ASB12: variants seen among roughly 807,000 people sequenced by gnomAD.
ASB12 encodes the protein ankyrin repeat and SOCS box containing 12, also known as ankyrin repeat and SOCS box protein 12.
In ASB12, 17 loss-of-function variants were observed where a neutral mutation model predicts 13.7. That is an observed-to-expected ratio of 1.24 (90% CI 0.85 to 1.86). The LOEUF (loss-of-function observed/expected upper bound fraction) is 1.86, where lower values mean the gene tolerates loss of function less well. Among genes scored for constraint, ASB12 ranks in the 40% most tolerant of loss-of-function variants. The probability of loss-of-function intolerance (pLI) is 0.00; values close to 1 mark genes in which losing one functional copy is unlikely to be tolerated. For synonymous variants in ASB12, 107 were observed against 99.8 expected (o/e 1.07, Z -0.43); for missense variants, 329 against 250.5 (o/e 1.31, Z -2.11).
chrX:64,230,120 GCACCCA>G (rs1417687534), intron 1 of ASB12, among the ~76,000 whole-genome samples: 2 of 110,549 alleles, frequency 1.8e-5, no homozygotes, highest in African/African-American at 6.6e-5. Flanking sequence ...CCACTCTAAG[GCACCCA>G]CACACACAGA....
At chrX:64,227,877 C>G (rs1930978006) in intron 1 of ASB12, among the ~76,000 whole-genome samples, 1 of 112,051 alleles carries the variant, frequency 8.9e-6, no homozygotes, top group Non-Finnish European at 1.9e-5. Context: ...AAAATCCCAT[C>G]AAGTCCTGTG....
At chrX:64,226,473 G>A (rs749683012) in intron 1 of ASB12, among the ~76,000 whole-genome samples, 12 of 111,721 alleles carry the variant, frequency 1.1e-4, no homozygotes, top group Non-Finnish European at 2.3e-4. Flanking sequence ...AAACAGTCGA[G>A]GCTCCCAGGG....
At chrX:64,224,566 C>T in intron 2 of ASB12, 98 bp from the exon 3 acceptor site, 1 of 973,203 alleles carries the variant, frequency 1.0e-6, no homozygotes, top group Non-Finnish European at 1.4e-6. Flanking sequence ...AGCCCTAATG[C>T]TCTATCCTTT....
chrX:64,226,654 C>T (rs1930956698), intron 1 of ASB12: 1 of 675,720 alleles, frequency 1.5e-6, no homozygotes, highest in African/African-American at 2.4e-5. Flanking sequence ...TTTCCATAAT[C>T]CTCACCCTAC....
In ASB12 at chrX:64,224,681, A is replaced by G. The variant is rs1021151159; in HGVS notation, c.823+147T>C. ...GTGACCTTTCTCTAACATGGAATAC[A>G]TAACCCCTCTTCTCTACTGGGGCCC... is the stretch of plus-strand genomic sequence containing the variant. On this transcript the variant is annotated intron_variant, in intron 2 of 2. Transcript: ENST00000362002. 5 of 770,802 alleles carry G rather than the reference A, an allele frequency of 6.5e-6. No homozygotes were observed. In the African/African-American group the frequency reaches 1.2e-4, roughly 18 times the overall value. The allele number at this position is 770,802 out of a possible 1,213,427, so 63.5% of individuals were successfully genotyped here. A position where few individuals can be genotyped will look rare whatever the true frequency, so the allele number is the denominator to read the frequency against.
Position 64,225,540 on chromosome X carries a change from C to G in ASB12, c.111G>C (p.Gln37His). 1 of 1,209,395 alleles carries G rather than the reference C, an allele frequency of 8.3e-7. No homozygotes were observed. Among genetic ancestry groups the G allele is most frequent in the Non-Finnish European group, 1.1e-6 (1 of 894,332 alleles). The change falls in exon 2 of 3, where the codon CAG becomes CAC. Residue 37 changes from glutamine (Q) to histidine (H), a missense_variant. By Grantham distance (24) the Gln-to-His change is conservative (BLOSUM62 0). Transcript: ENST00000362002. ...EEEDTDTEEKQALNQAVYDND... is the reference protein window; with the variant it reads ...EEEDTDTEEKHALNQAVYDND... ...TGTCATACACTGCTTGATTGAGAGC[C>G]TGCTTCTCCTCTGTGTCAGTGTCCT...
chrX:64,228,038 T>A (rs1190041209), intron 1 of ASB12, among the ~76,000 whole-genome samples: 1 of 112,491 alleles, frequency 8.9e-6, no homozygotes, highest in Non-Finnish European at 1.9e-5. Context: ...TTCTCCACAT[T>A]GTTGCTAAAG....
chrX:64,225,330 C>G lies in ASB12; in HGVS notation c.321G>C (p.Gln107His). The stretch of plus-strand genomic sequence containing the variant: ...GACTGACAGCAGTGAAAAGTGGCGT[C>G]TGTGCCTTGACATCCAAGCTGTCAA... ...ADVDSLDVKAQTPLFTAVSHG... is the reference protein window; with the variant it reads ...ADVDSLDVKAHTPLFTAVSHG... Residue 107 changes from glutamine to histidine, a missense_variant, in exon 2 of 3, where the codon CAG (glutamine) becomes CAC (histidine). Gln to His is a conservative substitution (Grantham distance 24, BLOSUM62 0). Transcript: ENST00000362002. The G allele has an allele frequency of 8.3e-7, 1 of 1,209,228 alleles. No homozygotes were observed. The highest frequency in any genetic ancestry group is 1.1e-6 in the Non-Finnish European group (1 of 894,252).
chrX:64,225,039 C>T lies in ASB12; in HGVS notation c.612G>A (p.Gly204=), dbSNP rs1930909399. The change falls in exon 2 of 3, where the codon GGG becomes GGA. Residue 204 remains glycine, a synonymous_variant. Coordinates refer to ENST00000362002, the MANE Select transcript of ASB12 (RefSeq NM_130388.4). ...LDCFRLLLLH[G]ADPDYNCTDQ... is the part of the protein sequence containing the mutation. ...CAGTGCAGTTGTAGTCAGGGTCTGCCCCGTGGAGCAAAAGCAGGCGGAAAC... is the reference window on the plus strand; with the variant it reads ...CAGTGCAGTTGTAGTCAGGGTCTGCTCCGTGGAGCAAAAGCAGGCGGAAAC... 2 of 1,211,383 alleles carry T rather than the reference C, an allele frequency of 1.7e-6. No individual in the cohort carries two copies. The highest frequency in any genetic ancestry group is 5.9e-5 in the East Asian group (2 of 33,836).
At chrX:64,224,702 G>A in intron 2 of ASB12, 126 bp downstream of exon 2, 1 of 942,741 alleles carries the variant, frequency 1.1e-6, no homozygotes. Context: ...TCTCTACTGG[G>A]GCCCCAGGAG....
At chrX:64,226,459 C>A (rs1244657689) in intron 1 of ASB12, among the ~76,000 whole-genome samples, 3 of 111,915 alleles carry the variant, frequency 2.7e-5, no homozygotes, top group Non-Finnish European at 3.8e-5. Flanking sequence ...AGACAGATGG[C>A]AGGAAACAGT....
At chrX:64,227,796 C>T (rs187371109) in intron 1 of ASB12, among the ~76,000 whole-genome samples, 5 of 111,777 alleles carry the variant, frequency 4.5e-5, no homozygotes, top group African/African-American at 1.6e-4. Context: ...ATTTCCTCAC[C>T]ATCTACCTGG....
At chrX:64,228,568 A>G (rs1275459399) in intron 1 of ASB12, among the ~76,000 whole-genome samples, 1 of 111,654 alleles carries the variant, frequency 9.0e-6, no homozygotes, top group Non-Finnish European at 1.9e-5. Context: ...GGTTCTTAGG[A>G]TTAAATGAGT....
chrX:64,230,049 C>G (rs752156431), intron 1 of ASB12, among the ~76,000 whole-genome samples: 2 of 110,888 alleles, frequency 1.8e-5, no homozygotes, highest in East Asian at 2.8e-4. Context: ...ATTAGCAGAA[C>G]GTTTTTAAGC....
chrX:64,226,190 T>C (rs2147104251), intron 1 of ASB12, among the ~76,000 whole-genome samples: 1 of 112,381 alleles, frequency 8.9e-6, no homozygotes, highest in Non-Finnish European at 1.9e-5. Context: ...AGAACCATAC[T>C]TTGTGGTGTC....
chrX:64,228,013 T>C (rs1602083545), intron 1 of ASB12, among the ~76,000 whole-genome samples: 1 of 112,620 alleles, frequency 8.9e-6, no homozygotes, highest in South Asian at 3.7e-4. Context: ...ATAGGTAGTT[T>C]CTCTTTTCAA....
rs765684750 is a variant in ASB12, at chrX:64,224,209, T to C, written c.*126A>G. ...ACACTGGGACTTATTTTCTGGAGAA[T>C]TTTATTGTGGAGGATAATACAGGAG... On this transcript the variant is annotated 3_prime_UTR_variant, in exon 3 of 3. Coordinates refer to ENST00000362002, the MANE Select transcript of ASB12 (RefSeq NM_130388.4). The C allele has an allele frequency of 7.4e-6, 6 of 810,954 alleles. No individual in the cohort carries two copies. Among genetic ancestry groups the C allele is most frequent in the Non-Finnish European group, 1.1e-5 (6 of 563,732 alleles). 66.8% of individuals were successfully genotyped at this position (810,954 alleles called of 1,213,427 possible).
At position 64,224,400 on chromosome X, in the gene ASB12, G is replaced by C. The variant is rs747069332; in HGVS notation, c.892C>G (p.Pro298Ala). ...ATATCCAGCTGGTTGATGGCTTGTGGCTGGCCAGCCTGGCACAAGGCTCTG... is the reference window on the plus strand; with the variant it reads ...ATATCCAGCTGGTTGATGGCTTGTGCCTGGCCAGCCTGGCACAAGGCTCTG... ...VRRALCQAGQPQAINQLDIPP... is the reference protein window; with the variant it reads ...VRRALCQAGQAQAINQLDIPP... The change falls in exon 3 of 3, where the codon CCA becomes GCA. Residue 298 changes from proline to alanine, a missense_variant. Pro to Ala is a conservative substitution (Grantham distance 27). Coordinates refer to ENST00000362002, the MANE Select transcript of ASB12 (RefSeq NM_130388.4). 7.5e-6 allele frequency: 9 copies of C among 1,207,727 alleles called. No individual in the cohort carries two copies. Among genetic ancestry groups the C allele is most frequent in the Non-Finnish European group, 1.0e-5 (9 of 893,687 alleles).
At chrX:64,227,118 T>C (rs1930963568) in intron 1 of ASB12, among the ~76,000 whole-genome samples, 1 of 111,535 alleles carries the variant, frequency 9.0e-6, no homozygotes, top group Non-Finnish European at 1.9e-5. Flanking sequence ...CTTCCCTTCT[T>C]TGGGACTCAG....
Sources: allele counts gnomAD v4.1 joint callset (sites outside exome capture counted in the v4.1 genomes callset), GRCh38; gene constraint gnomAD v4.1.1; transcripts MANE v1.5; gene names NCBI Gene and HGNC (gene_info 2026-07-23, HGNC 2026-07-21).